The following MORN5 variants were observed in gnomAD, a reference collection of about 807,000 sequenced individuals.
The protein encoded by MORN5 is MORN repeat-containing protein 5.
MORN5 carries 21 observed loss-of-function variants against 22.1 expected under a neutral mutation model. The ratio of observed to expected loss-of-function variants is 0.95; its 90% CI spans 0.67 to 1.37. The LOEUF (loss-of-function observed/expected upper bound fraction) is 1.37, where lower values mean the gene tolerates loss of function less well. Ranked by LOEUF, MORN5 falls within the 40% of genes most tolerant of loss-of-function variation. The pLI is 0.00. For missense variants in MORN5, 211 were observed against 215.1 expected (o/e 0.98, Z 0.12); for synonymous variants, 73 against 74.0 (o/e 0.99, Z 0.07).
intron 4 of MORN5, 39 bp from the exon 5 acceptor site, chr9:122,199,846 G>A (rs376606461): frequency 7.8e-5 from 125 of 1,612,020 alleles, no homozygotes; most frequent in South Asian, 2.6e-4. Flanking sequence ...AGGTCCCAGC[G>A]AGCACCAAGC....
rs574943631 is a variant in MORN5 at position 122,197,245 on chromosome 9, G to A, written c.440-2640G>A. Among the ~76,000 whole-genome samples the A allele has an allele frequency of 2.6e-4, 38 of 146,816 alleles. No individual in the cohort carries two copies. The highest frequency in any genetic ancestry group is 4.3e-4 in the Non-Finnish European group (29 of 67,484). On this transcript the variant is annotated intron_variant, in intron 4 of 4. Transcript: ENST00000373764. The surrounding 1 kb of genome is among the most constrained non-coding windows in gnomAD (Gnocchi z 5.7). ...TAATTTACAATTGATTAAAGAGTTT[G>A]TGGGGTGTTTTTCCCCCATCTTTTT...
In MORN5 at chr9:122,193,055, G is replaced by A. The variant is rs1829805989; in HGVS notation, c.440-6830G>A. On this transcript the variant is annotated intron_variant, in intron 4 of 4. Transcript: ENST00000373764. ...CAACGAACACTGTGACTTCGGCTCA[G>A]GGAAGGCTAACATCCGGGCAGGGTC... is the stretch of plus-strand genomic sequence containing the variant. Among the ~76,000 whole-genome samples, 3 of 152,176 alleles carry A rather than the reference G, an allele frequency of 2.0e-5. No individual in the cohort carries two copies. The South Asian group carries it at 6.2e-4, about 32-fold the overall frequency.
In MORN5 at chr9:122,169,652, A is replaced by G. The variant is rs1467072290; in HGVS notation, c.203A>G (p.Tyr68Cys). The change falls in exon 3 of 5, where the codon TAT (tyrosine) becomes TGT (cysteine). Residue 68 changes from tyrosine to cysteine, a missense_variant. Physicochemically the swap from Tyr to Cys is radical, Grantham distance 194. Coordinates refer to ENST00000373764, the MANE Select transcript of MORN5 (RefSeq NM_198469.4). ...WENGLAIKGT[Y>C]TFSDGLHYDE... ...GTGCTCCTTGTCTTCCAGGGCACAT[A>G]TACGTTCTCAGATGGGCTGCACTAT... The G allele has an allele frequency of 1.9e-6, 3 of 1,613,048 alleles. No homozygotes were observed. The highest frequency in any genetic ancestry group is 2.5e-6 in the Non-Finnish European group (3 of 1,179,114).
At chr9:122,194,663 C>G (rs1364480094) in intron 4 of MORN5, among the ~76,000 whole-genome samples, 3 of 152,044 alleles carry the variant, frequency 2.0e-5, no homozygotes, top group Non-Finnish European at 4.4e-5. Context: ...TAGTGGTCAA[C>G]AAATCAAACA....
At chr9:122,160,534 TC>T (rs1238550389) in intron 1 of MORN5, among the ~76,000 whole-genome samples, 35 of 151,522 alleles carry the variant, frequency 2.3e-4, no homozygotes, top group African/African-American at 8.1e-4. Flanking sequence ...AGTTTTTTTT[TC>T]TTTTCTTTTC....
intron 2 of MORN5, among the ~76,000 whole-genome samples, chr9:122,167,625 C>T (rs1288330987): frequency 6.6e-6 from 1 of 152,174 alleles, no homozygotes; most frequent in East Asian, 1.9e-4. Flanking sequence ...ACACCACTTA[C>T]TGCCTGATCT....
rs558270284 is a variant in MORN5, at chr9:122,176,004, C to T, written c.439+1377C>T. Among the ~76,000 whole-genome samples the T allele has an allele frequency of 6.1e-4, 92 of 151,840 alleles. 1 individual carries two copies. The highest frequency in any genetic ancestry group is 2.1e-3 in the African/African-American group (86 of 41,380). On this transcript the variant is annotated intron_variant, in intron 4 of 4. Coordinates refer to ENST00000373764, the MANE Select transcript of MORN5 (RefSeq NM_198469.4). ...TGGCGGGCGCCTGTAGTCCCACCTACTCAGGAGGCAGGATGAGACAGGAGA... is the reference window on the plus strand; with the variant it reads ...TGGCGGGCGCCTGTAGTCCCACCTATTCAGGAGGCAGGATGAGACAGGAGA...
chr9:122,174,779 A>G, intron 4 of MORN5, 152 bp downstream of exon 4: 1 of 1,529,098 alleles, frequency 6.5e-7, no homozygotes, highest in Non-Finnish European at 8.8e-7. Context: ...TATTTTTTGG[A>G]CTTCTCGTGG....
At position 122,191,665 on chromosome 9, in the gene MORN5, G is replaced by A. The variant is rs184440886; in HGVS notation, c.440-8220G>A. ...TGGAAGCTGCATAGCAGCGGTGACC[G>A]CAGGTGTGCGCAGCCCAAAGGCGTG... On this transcript the variant is annotated intron_variant, in intron 4 of 4. Coordinates refer to ENST00000373764, the MANE Select transcript of MORN5 (RefSeq NM_198469.4). 6.9e-3 allele frequency among the ~76,000 whole-genome samples: 1,047 copies of A among 152,360 alleles called. 9 individuals are homozygous for A. The highest frequency in any genetic ancestry group is 0.024 in the African/African-American group (1,002 of 41,588).
chr9:122,179,145 T>A (rs1341861689), intron 4 of MORN5, among the ~76,000 whole-genome samples: 1 of 151,896 alleles, frequency 6.6e-6, no homozygotes, highest in Non-Finnish European at 1.5e-5. Context: ...TGCAAAAGGA[T>A]TACAGTTGGG....
At chr9:122,177,063 C>T (rs1024007190) in intron 4 of MORN5, among the ~76,000 whole-genome samples, 2 of 152,176 alleles carry the variant, frequency 1.3e-5, no homozygotes, top group Non-Finnish European at 2.9e-5. Context: ...AACAGAGGGA[C>T]CCCCCAGGAC....
intron 4 of MORN5, among the ~76,000 whole-genome samples, chr9:122,198,404 T>C (rs1430568247): frequency 2.0e-5 from 3 of 152,100 alleles, no homozygotes; most frequent in Admixed American, 2.0e-4. Context: ...TCCCATCTCT[T>C]AGGCAGGAGG....
intron 1 of MORN5, among the ~76,000 whole-genome samples, chr9:122,160,330 A>G (rs1829172655): frequency 6.6e-6 from 1 of 152,220 alleles, no homozygotes. Flanking sequence ...TTGCCAATAA[A>G]CAAATAAGTG....
Position 122,199,983 on chromosome 9 carries a change from C to A in MORN5, c.*52C>A, listed in dbSNP as rs778447551. ...GCCGTGAACTCTGTGGCTGCCTCCACCAGAGGTTTCCATCTGCCCTACTAG... is the reference window on the plus strand; with the variant it reads ...GCCGTGAACTCTGTGGCTGCCTCCAACAGAGGTTTCCATCTGCCCTACTAG... On this transcript the variant is annotated 3_prime_UTR_variant, in exon 5 of 5. Coordinates refer to ENST00000373764, the MANE Select transcript of MORN5 (RefSeq NM_198469.4). 1 of 1,585,942 alleles carries A rather than the reference C, an allele frequency of 6.3e-7. No homozygotes were observed. Among genetic ancestry groups the A allele is most frequent in the Non-Finnish European group, 8.7e-7 (1 of 1,154,342 alleles).
Position 122,199,804 on chromosome 9 carries a change from C to T in MORN5, c.440-81C>T, listed in dbSNP as rs754096868. 1.3e-5 allele frequency: 19 copies of T among 1,409,404 alleles called. 2 individuals are homozygous for T. The highest frequency in any genetic ancestry group is 1.2e-4 in the South Asian group (10 of 86,670). The allele number at this position is 1,409,404 out of a possible 1,614,324, so 87.3% of individuals were successfully genotyped here. A position where few individuals can be genotyped will look rare whatever the true frequency, so the allele number is the denominator to read the frequency against. On this transcript the variant is annotated intron_variant, in intron 4 of 4. Transcript: ENST00000373764. ...CATCGACGGACCATCCCAGTCCCAA[C>T]GCCCCACCTGGGGAACCCCCCAGGC... is the stretch of plus-strand genomic sequence containing the variant.
rs942544848 is a variant in MORN5 at position 122,197,754 on chromosome 9, G to A, written c.440-2131G>A. Among the ~76,000 whole-genome samples the A allele has an allele frequency of 3.9e-5, 6 of 152,188 alleles. No individual in the cohort carries two copies. The highest frequency in any genetic ancestry group is 7.3e-5 in the Non-Finnish European group (5 of 68,038). On this transcript the variant is annotated intron_variant, in intron 4 of 4. Coordinates refer to ENST00000373764, the MANE Select transcript of MORN5 (RefSeq NM_198469.4). The surrounding 1 kb of genome is among the most constrained non-coding windows in gnomAD (Gnocchi z 5.7). ...GAAGAGGTTGCAGCTGCACTGATTCGAATAGCCTGGAGACTTCAGAACTGT... is the reference window on the plus strand; with the variant it reads ...GAAGAGGTTGCAGCTGCACTGATTCAAATAGCCTGGAGACTTCAGAACTGT...
At chr9:122,171,794 T>C (rs1252456122) in intron 3 of MORN5, among the ~76,000 whole-genome samples, 1 of 152,114 alleles carries the variant, frequency 6.6e-6, no homozygotes, top group Non-Finnish European at 1.5e-5. Context: ...CAAATATTTA[T>C]TGAGCACTTC....
intron 1 of MORN5, among the ~76,000 whole-genome samples, chr9:122,165,620 A>G (rs966443013): frequency 1.3e-5 from 2 of 152,098 alleles, no homozygotes; most frequent in African/African-American, 4.8e-5. Flanking sequence ...CAACTGGTCA[A>G]GCTGGTGTCC....
At chr9:122,178,336 A>C (rs1174332675) in intron 4 of MORN5, among the ~76,000 whole-genome samples, 1 of 152,072 alleles carries the variant, frequency 6.6e-6, no homozygotes, top group Non-Finnish European at 1.5e-5. Flanking sequence ...TAAAAATACA[A>C]AAATTAGCTG....
Sources: allele counts gnomAD v4.1 joint callset (sites outside exome capture counted in the v4.1 genomes callset), GRCh38; gene constraint gnomAD v4.1.1; non-coding constraint Gnocchi (gnomAD v3.1); transcripts MANE v1.5; gene names NCBI Gene and HGNC (gene_info 2026-07-23, HGNC 2026-07-21).